SRPK2: variants seen among roughly 807,000 people sequenced by gnomAD.
SRPK2 encodes SFRS protein kinase 2.
In SRPK2, 21 loss-of-function variants were observed where a neutral mutation model predicts 90.8. The observed-to-expected ratio is 0.23, with a 90% confidence interval of 0.16 to 0.33. The LOEUF (loss-of-function observed/expected upper bound fraction) is 0.33, where lower values mean the gene tolerates loss of function less well. SRPK2 is among the 10% of genes least tolerant of loss of function. The pLI is 1.00. For synonymous variants in SRPK2, 288 were observed against 311.1 expected, an observed-to-expected ratio of 0.93 and a Z score of 0.78; for missense variants, 620 against 869.0, an observed-to-expected ratio of 0.71 and a Z score of 3.60.
intron 3 of SRPK2, among the ~76,000 whole-genome samples, chr7:105,181,161 C>T (rs186980010): frequency 1.3e-5 from 2 of 152,248 alleles, no homozygotes; most frequent in Non-Finnish European, 2.9e-5. Flanking sequence ...ATTGAAACCA[C>T]GATGAAACAC....
chr7:105,232,909 A>C (rs1381883718), intron 2 of SRPK2, among the ~76,000 whole-genome samples: 2 of 151,960 alleles, frequency 1.3e-5, no homozygotes, highest in Non-Finnish European at 2.9e-5. Context: ...GCTATTCAGG[A>C]GCCTGAGGCA....
intron 7 of SRPK2, among the ~76,000 whole-genome samples, chr7:105,160,042 A>G (rs7783812): frequency 0.83 from 126,939 of 152,168 alleles, 53,608 homozygotes; most frequent in Non-Finnish European, 0.88. Flanking sequence ...TAGTCATCAT[A>G]CTGTCTATTA....
chr7:105,190,148 C>T (rs1055456467), intron 3 of SRPK2, among the ~76,000 whole-genome samples: 3 of 152,166 alleles, frequency 2.0e-5, no homozygotes, highest in East Asian at 1.9e-4. Context: ...CTGGATCCTG[C>T]GCTCCCTCTG....
chr7:105,330,278 A>ATG (rs1294873705), intron 2 of SRPK2, among the ~76,000 whole-genome samples: 1 of 152,082 alleles, frequency 6.6e-6, no homozygotes, highest in Non-Finnish European at 1.5e-5. Flanking sequence ...TGGAGCTTGC[A>ATG]GTGAGCCGAG....
At chr7:105,329,732 C>T (rs982436902) in intron 2 of SRPK2, among the ~76,000 whole-genome samples, 1 of 152,050 alleles carries the variant, frequency 6.6e-6, no homozygotes, top group Admixed American at 6.6e-5. Context: ...AAGGGCTCAT[C>T]TCCGTGGCTT....
At chr7:105,247,516 A>C (rs989791092) in intron 2 of SRPK2, among the ~76,000 whole-genome samples, 2 of 119,962 alleles carry the variant, frequency 1.7e-5, no homozygotes, top group Non-Finnish European at 3.4e-5. Flanking sequence ...ATACCAAAAA[A>C]CACACACACA....
At chr7:105,331,086 G>A (rs539815939) in intron 2 of SRPK2, among the ~76,000 whole-genome samples, 27 of 151,780 alleles carry the variant, frequency 1.8e-4, no homozygotes, top group Non-Finnish European at 2.6e-4. Flanking sequence ...TGGTTCACTT[G>A]AGGTCAGGAG....
chr7:105,367,339 C>T (rs1027074869), intron 2 of SRPK2, among the ~76,000 whole-genome samples: 7 of 151,960 alleles, frequency 4.6e-5, no homozygotes, highest in East Asian at 1.9e-4. Context: ...ATTGGCTCAC[C>T]GCAACCTCGG....
chr7:105,140,691 G>T (rs1285854154), intron 11 of SRPK2, among the ~76,000 whole-genome samples: 2 of 152,082 alleles, frequency 1.3e-5, no homozygotes, highest in Admixed American at 6.6e-5. Context: ...AGCCGGGCGC[G>T]GTGGCTCACG....
At chr7:105,310,470 C>T (rs1811582904) in intron 2 of SRPK2, among the ~76,000 whole-genome samples, 1 of 152,182 alleles carries the variant, frequency 6.6e-6, no homozygotes, top group South Asian at 2.1e-4. Flanking sequence ...TGGCAAAACT[C>T]CATGTCTACC....
chr7:105,288,196 C>T (rs2130954082), intron 2 of SRPK2, among the ~76,000 whole-genome samples: 1 of 152,320 alleles, frequency 6.6e-6, no homozygotes, highest in East Asian at 1.9e-4. Flanking sequence ...GCGTTAAAAA[C>T]TTAAATTCAG....
Position 105,212,970 on chromosome 7 carries a change from G to T in SRPK2, c.72-9185C>A, listed in dbSNP as rs145555683. On this transcript the variant is annotated intron_variant, in intron 2 of 15. Coordinates refer to ENST00000393651, the MANE Select transcript of SRPK2 (RefSeq NM_182692.3). ...TTACATAGTATATACACCATACTAG[G>T]TGATGGAATCTAGACATAACTGAAA... is the stretch of plus-strand genomic sequence containing the variant. Among the ~76,000 whole-genome samples the T allele has an allele frequency of 2.6e-5, 4 of 152,180 alleles. No homozygotes were observed. The South Asian group carries it at 8.3e-4, about 32-fold the overall frequency.
rs146765955 is a variant in SRPK2 at position 105,157,578 on chromosome 7, TA to T, written c.621+2928del. ...GGGGGAAAAAATCCAGATTCCATGA[TA>T]ATATTTTTCTTAAAGAAAGATGGGT... On this transcript the variant is annotated intron_variant, in intron 7 of 15. Coordinates refer to ENST00000393651, the MANE Select transcript of SRPK2 (RefSeq NM_182692.3). 8.6e-3 allele frequency among the ~76,000 whole-genome samples: 1,311 copies of T among 152,274 alleles called. 18 individuals are homozygous for T. Among genetic ancestry groups the T allele is most frequent in the African/African-American group, 0.029 (1,218 of 41,534 alleles).
intron 2 of SRPK2, among the ~76,000 whole-genome samples, chr7:105,330,027 T>A (rs1224732526): frequency 1.3e-5 from 2 of 151,892 alleles, no homozygotes; most frequent in African/African-American, 4.8e-5. Context: ...AGAGCGAGAC[T>A]CTGTCTCAAA....
intron 2 of SRPK2, among the ~76,000 whole-genome samples, chr7:105,302,344 G>T (rs565046749): frequency 1.3e-5 from 2 of 152,292 alleles, no homozygotes; most frequent in Admixed American, 1.3e-4. Context: ...TTTGTAAATG[G>T]ACAGGCATGT....
intron 2 of SRPK2, among the ~76,000 whole-genome samples, chr7:105,329,044 A>T (rs963451104): frequency 2.0e-5 from 3 of 152,120 alleles, no homozygotes; most frequent in Non-Finnish European, 4.4e-5. Context: ...TTTTTAAATA[A>T]GTAAACAGAA....
intron 2 of SRPK2, among the ~76,000 whole-genome samples, chr7:105,207,658 T>A (rs1285399674): frequency 3.3e-5 from 5 of 152,190 alleles, no homozygotes; most frequent in African/African-American, 9.7e-5. Flanking sequence ...GACCTCTCTC[T>A]CACACACAGG....
downstream of SRPK2, among the ~76,000 whole-genome samples, chr7:105,115,807 A>G (rs1211244080): frequency 6.6e-6 from 1 of 152,108 alleles, no homozygotes; most frequent in Non-Finnish European, 1.5e-5. Context: ...GTATACTATC[A>G]CCCTGATAAA....
chr7:105,191,586 T>A (rs1563061427), intron 3 of SRPK2, among the ~76,000 whole-genome samples: 1 of 152,168 alleles, frequency 6.6e-6, no homozygotes. Flanking sequence ...AAAAGCAGTT[T>A]CATAATTCAG....
Sources: gnomAD v4.1 joint callset for allele counts (sites outside exome capture counted in the v4.1 genomes callset) on GRCh38, gnomAD v4.1.1 for gene constraint, MANE v1.5 for transcripts, NCBI Gene and HGNC (gene_info 2026-07-23, HGNC 2026-07-21) for gene names.